MAGI2: variants seen among roughly 807,000 people sequenced by gnomAD.
The protein encoded by MAGI2 is membrane associated guanylate kinase, WW and PDZ domain containing 2, also known as membrane-associated guanylate kinase, WW and PDZ domain-containing protein 2.
A neutral mutation model predicts 133.3 loss-of-function variants in MAGI2; 35 were observed. The ratio of observed to expected loss-of-function variants is 0.26; its 90% CI spans 0.20 to 0.35. MAGI2 has a LOEUF of 0.35. Ranked by LOEUF, MAGI2 falls within the 10% of genes least tolerant of loss-of-function variation. The pLI, the probability that MAGI2 is intolerant of heterozygous loss-of-function variation, is 1.00. For missense variants in MAGI2, 1,636 were observed against 1,863.4 expected, an observed-to-expected ratio of 0.88 and a Z score of 2.25; for synonymous variants, 729 against 710.6, an observed-to-expected ratio of 1.03 and a Z score of -0.41.
chr7:79,155,173 A>G (rs1330177451), intron 1 of MAGI2, among the ~76,000 whole-genome samples: 1 of 152,200 alleles, frequency 6.6e-6, no homozygotes, highest in East Asian at 1.9e-4. Context: ...TGGGTATAGC[A>G]GTGGCTTTGT....
intron 21 of MAGI2, among the ~76,000 whole-genome samples, chr7:78,076,055 TGCTAATATTACTA>T (rs1815254585): frequency 1.3e-5 from 2 of 152,220 alleles, no homozygotes; most frequent in African/African-American, 4.8e-5. Flanking sequence ...AGCAGACAAG[TGCTAATATTACTA>T]GCAAGTATGA....
At chr7:78,245,036 G>A (rs1791613392) in intron 10 of MAGI2, among the ~76,000 whole-genome samples, 1 of 152,170 alleles carries the variant, frequency 6.6e-6, no homozygotes, top group Non-Finnish European at 1.5e-5. Flanking sequence ...ACAGTGACAT[G>A]TATATAATAA....
intron 1 of MAGI2, among the ~76,000 whole-genome samples, chr7:79,174,130 G>A (rs569076097): frequency 2.0e-5 from 3 of 152,082 alleles, no homozygotes; most frequent in South Asian, 2.1e-4. Context: ...GTGTGTCAGC[G>A]TGTTCTAGAT....
chr7:78,670,422 C>G (rs4580975), intron 2 of MAGI2, among the ~76,000 whole-genome samples: 2,329 of 152,108 alleles, frequency 0.015, 69 homozygotes, highest in African/African-American at 0.053. Flanking sequence ...AAATAAAAGA[C>G]GATACAAACA....
rs578244580 is a variant in MAGI2, at chr7:79,138,451, T to G, written c.302-131245A>C. ...ATTGAGACCATTATTTTCATAAAAT[T>G]TATCATGTATGAATACAAGAGTGAT... On this transcript the variant is annotated intron_variant, in intron 1 of 21. Transcript: ENST00000354212. Among the ~76,000 whole-genome samples, 6 of 152,326 alleles carry G rather than the reference T, an allele frequency of 3.9e-5. No individual in the cohort carries two copies. The South Asian group carries it at 1.2e-3, about 32-fold the overall frequency.
intron 3 of MAGI2, among the ~76,000 whole-genome samples, chr7:78,588,299 C>T (rs1235986519): frequency 6.6e-6 from 1 of 152,048 alleles, no homozygotes; most frequent in Non-Finnish European, 1.5e-5. Flanking sequence ...TAATGTTTAC[C>T]TTCAAAGCAT....
chr7:78,117,397 A>G (rs923659881), intron 20 of MAGI2, among the ~76,000 whole-genome samples: 1 of 152,102 alleles, frequency 6.6e-6, no homozygotes, highest in Non-Finnish European at 1.5e-5. Flanking sequence ...TAATATGATT[A>G]ATCATATTAA....
chr7:78,554,740 C>G (rs555739995), intron 3 of MAGI2: 1 of 152,236 alleles, frequency 6.6e-6, no homozygotes, highest in Non-Finnish European at 1.5e-5. Flanking sequence ...CTTGAACAGA[C>G]AGGCTTTGCT....
intron 1 of MAGI2, among the ~76,000 whole-genome samples, chr7:79,137,447 T>TCTG: frequency 1.1e-5 from 1 of 88,630 alleles, no homozygotes; most frequent in East Asian, 2.8e-4. Context: ...CTGGGTGTTT[T>TCTG]TTGTTTTTTT....
At chr7:78,067,514 C>T (rs530562827) in intron 21 of MAGI2, among the ~76,000 whole-genome samples, 2 of 152,230 alleles carry the variant, frequency 1.3e-5, no homozygotes, top group South Asian at 4.2e-4. Context: ...CATGCTGAAC[C>T]GACCAGAGAC....
chr7:78,371,896 A>G (rs935233651), intron 6 of MAGI2, among the ~76,000 whole-genome samples: 3 of 152,048 alleles, frequency 2.0e-5, no homozygotes, highest in African/African-American at 4.8e-5. Context: ...TTGAGGCAAA[A>G]TTATACACTA....
At chr7:78,444,834 A>C (rs1372041561) in intron 6 of MAGI2, among the ~76,000 whole-genome samples, 1 of 148,890 alleles carries the variant, frequency 6.7e-6, no homozygotes, top group Non-Finnish European at 1.5e-5. Context: ...ATATATTTAT[A>C]TAATGTATAA....
chr7:78,312,167 T>C (rs1402620798), intron 9 of MAGI2, among the ~76,000 whole-genome samples: 4 of 152,174 alleles, frequency 2.6e-5, no homozygotes, highest in African/African-American at 9.7e-5. Context: ...AAAGCAAATT[T>C]GGTTGAATGG....
chr7:79,228,370 A>AAAAAAAAAAAAAAAAAAAAAAAC (rs1491129211), intron 1 of MAGI2, among the ~76,000 whole-genome samples: 1 of 147,256 alleles, frequency 6.8e-6, no homozygotes, highest in Non-Finnish European at 1.5e-5. Flanking sequence ...AAAAAAAAAA[A>AAAAAAAAAAAAAAAAAAAAAAAC]GATCGTGGGA....
At chr7:78,694,950 G>T (rs965236874) in intron 2 of MAGI2, among the ~76,000 whole-genome samples, 4 of 152,162 alleles carry the variant, frequency 2.6e-5, no homozygotes, top group African/African-American at 9.7e-5. Flanking sequence ...CCTGGTCCAG[G>T]CGTGGTGGCT....
At chr7:78,345,880 C>A in intron 8 of MAGI2, 42 bp downstream of exon 8, 1 of 1,605,346 alleles carries the variant, frequency 6.2e-7, no homozygotes, top group South Asian at 1.1e-5. Context: ...GTTTGACAGA[C>A]AATTTTCCCT....
In MAGI2 at chr7:78,842,284, C is replaced by T. The variant is rs545525840; in HGVS notation, c.418+164806G>A. ...TCCAGAAAGTGAAGGAAACTATAGC[C>T]TGGGGCAAGGCTGAAGAATTAAGCC... On this transcript the variant is annotated intron_variant, in intron 2 of 21. Transcript: ENST00000354212. 1.4e-4 allele frequency among the ~76,000 whole-genome samples: 21 copies of T among 152,044 alleles called. 1 individual carries two copies. The South Asian group carries it at 1.7e-3, about 12-fold the overall frequency.
intron 1 of MAGI2, among the ~76,000 whole-genome samples, chr7:79,019,737 G>A (rs1809099000): frequency 6.6e-6 from 1 of 152,030 alleles, no homozygotes; most frequent in Admixed American, 6.6e-5. Flanking sequence ...TAGAAATGGG[G>A]TTTCAGCATG....
At chr7:78,999,740 A>G (rs112790464) in intron 2 of MAGI2, among the ~76,000 whole-genome samples, 2,180 of 152,282 alleles carry the variant, frequency 0.014, 26 homozygotes, top group Non-Finnish European at 0.02. Context: ...CTAGCCTCCC[A>G]GGCCAGTTTA....
Sources: allele counts gnomAD v4.1 joint callset (sites outside exome capture counted in the v4.1 genomes callset), GRCh38; gene constraint gnomAD v4.1.1; transcripts MANE v1.5; gene names NCBI Gene and HGNC (gene_info 2026-07-23, HGNC 2026-07-21).